KIF6: variants seen among roughly 807,000 people sequenced by gnomAD.
KIF6 encodes the protein kinesin-like protein KIF6.
KIF6 carries 106 observed loss-of-function variants against 112.7 expected under a neutral mutation model. That is an observed-to-expected ratio of 0.94 (90% CI 0.80 to 1.11). The LOEUF is 1.11. Ranked by LOEUF, KIF6 falls within the 50% of genes least tolerant of loss-of-function variation. The probability of loss-of-function intolerance (pLI) is 0.00; values close to 1 mark genes in which losing one functional copy is unlikely to be tolerated. For synonymous variants in KIF6, 339 were observed against 339.9 expected, an observed-to-expected ratio of 1.00 and a Z score of 0.03; for missense variants, 929 against 964.0, an observed-to-expected ratio of 0.96 and a Z score of 0.48.
intron 3 of KIF6, among the ~76,000 whole-genome samples, chr6:39,698,270 A>G (rs1788673087): frequency 6.6e-6 from 1 of 152,196 alleles, no homozygotes; most frequent in Admixed American, 6.5e-5. Flanking sequence ...TTTCAGCACA[A>G]TTTCTCTCAT....
At chr6:39,584,170 C>T (rs1418830077) in intron 9 of KIF6, among the ~76,000 whole-genome samples, 1 of 151,610 alleles carries the variant, frequency 6.6e-6, no homozygotes, top group Non-Finnish European at 1.5e-5. Context: ...ACCTATAATC[C>T]TAGCACTTTG....
At chr6:39,648,632 C>T (rs541536907) in intron 3 of KIF6, among the ~76,000 whole-genome samples, 1 of 152,238 alleles carries the variant, frequency 6.6e-6, no homozygotes, top group East Asian at 1.9e-4. Context: ...CCCAACATTC[C>T]CTAACATCTT....
chr6:39,534,065 T>A (rs1778250255), intron 13 of KIF6, among the ~76,000 whole-genome samples: 1 of 152,072 alleles, frequency 6.6e-6, no homozygotes, highest in Admixed American at 6.6e-5. Context: ...CATCTGTACA[T>A]CAGCATCATC....
intron 13 of KIF6, among the ~76,000 whole-genome samples, chr6:39,455,590 C>G (rs1002961128): frequency 1.3e-5 from 2 of 150,710 alleles, no homozygotes; most frequent in African/African-American, 4.9e-5. Context: ...GGAGGACATT[C>G]AAACCAAAGG....
intron 13 of KIF6, among the ~76,000 whole-genome samples, chr6:39,498,602 C>A (rs1441001326): frequency 6.6e-6 from 1 of 152,028 alleles, no homozygotes; most frequent in Non-Finnish European, 1.5e-5. Flanking sequence ...GTGAAAGCAG[C>A]TATAGACAAT....
chr6:39,362,090 G>T (rs1211137743), intron 17 of KIF6, among the ~76,000 whole-genome samples: 1 of 152,128 alleles, frequency 6.6e-6, no homozygotes, highest in Non-Finnish European at 1.5e-5. Context: ...CTGCGGCTGC[G>T]TGAGAGTATG....
chr6:39,343,451 G>A lies in KIF6; in HGVS notation c.2428+258C>T, dbSNP rs1444010369. 1 of 1,444,492 alleles carries A rather than the reference G, an allele frequency of 6.9e-7. No individual in the cohort carries two copies. The highest frequency in any genetic ancestry group is 2.1e-5 in the Admixed American group (1 of 48,110). The allele number at this position is 1,444,492 out of a possible 1,614,324, so 89.5% of individuals were successfully genotyped here. ...GAGCTGAAGATCTGGAAGAGACAGA[G>A]AGCAAGCTCTGCCAAGAGGGACAGG... On this transcript the variant is annotated intron_variant, in intron 22 of 22. Coordinates refer to ENST00000287152, the MANE Select transcript of KIF6 (RefSeq NM_145027.6). The surrounding 1 kb of genome is among the most constrained non-coding windows in gnomAD (Gnocchi z 4.1).
At chr6:39,721,893 C>T (rs528536121) in intron 1 of KIF6, among the ~76,000 whole-genome samples, 47 of 151,070 alleles carry the variant, frequency 3.1e-4, no homozygotes, top group African/African-American at 1.1e-3. Flanking sequence ...GTTTAAGACC[C>T]ATTTAGATGC....
chr6:39,363,351 C>G (rs923934385), intron 16 of KIF6, among the ~76,000 whole-genome samples: 1 of 152,190 alleles, frequency 6.6e-6, no homozygotes, highest in East Asian at 1.9e-4. Flanking sequence ...TAATTCACAA[C>G]CAGGGATGAG....
intron 3 of KIF6, among the ~76,000 whole-genome samples, chr6:39,670,730 T>A (rs1351132226): frequency 6.6e-6 from 1 of 152,202 alleles, no homozygotes; most frequent in Non-Finnish European, 1.5e-5. Context: ...ACTCAAAAAG[T>A]GCTCTAGGTG....
intron 3 of KIF6, among the ~76,000 whole-genome samples, chr6:39,673,958 A>T (rs1475579105): frequency 6.6e-6 from 1 of 152,204 alleles, no homozygotes; most frequent in Non-Finnish European, 1.5e-5. Context: ...AGTCAATATA[A>T]GGAACCAGGC....
intron 13 of KIF6, among the ~76,000 whole-genome samples, chr6:39,500,499 A>T (rs1581990125): frequency 6.6e-6 from 1 of 152,254 alleles, no homozygotes; most frequent in East Asian, 1.9e-4. Flanking sequence ...TAATGCGTGA[A>T]ATTGGAGGCA....
intron 6 of KIF6, among the ~76,000 whole-genome samples, chr6:39,607,733 C>T (rs1782971425): frequency 6.6e-6 from 1 of 152,124 alleles, no homozygotes; most frequent in Non-Finnish European, 1.5e-5. Context: ...GCTAAACATG[C>T]TATTCTTACT....
intron 13 of KIF6, among the ~76,000 whole-genome samples, chr6:39,510,134 C>G (rs1776685721): frequency 6.6e-6 from 1 of 150,394 alleles, no homozygotes; most frequent in South Asian, 2.1e-4. Context: ...TGCACTGTCA[C>G]CCAGGCTGGA....
rs181441323 is a variant in KIF6, at chr6:39,416,910, C to G, written c.1810+3038G>C. Among the ~76,000 whole-genome samples, 322 of 152,290 alleles carry G rather than the reference C, an allele frequency of 2.1e-3. 1 individual carries two copies. The highest frequency in any genetic ancestry group is 7.3e-3 in the African/African-American group (304 of 41,564). On this transcript the variant is annotated intron_variant, in intron 15 of 22. Coordinates refer to ENST00000287152, the MANE Select transcript of KIF6 (RefSeq NM_145027.6). ...CGTGTGTACCCCTCGGCATCTCAATCTTGCCTCAGGGTCCAGAGGCAGGAT... is the reference window on the plus strand; with the variant it reads ...CGTGTGTACCCCTCGGCATCTCAATGTTGCCTCAGGGTCCAGAGGCAGGAT...
chr6:39,709,242 G>C (rs1260553862), intron 3 of KIF6, among the ~76,000 whole-genome samples: 1 of 152,120 alleles, frequency 6.6e-6, no homozygotes, highest in Non-Finnish European at 1.5e-5. Flanking sequence ...TGCCATTTTT[G>C]GCACCAGGGA....
At chr6:39,359,736 C>T (rs1235614027) in intron 18 of KIF6, among the ~76,000 whole-genome samples, 1 of 152,120 alleles carries the variant, frequency 6.6e-6, no homozygotes, top group Non-Finnish European at 1.5e-5. Flanking sequence ...TAGGCACATA[C>T]TACCACATAA....
At chr6:39,438,909 T>G (rs1021731331) in intron 13 of KIF6, among the ~76,000 whole-genome samples, 3 of 152,244 alleles carry the variant, frequency 2.0e-5, no homozygotes, top group African/African-American at 7.2e-5. Flanking sequence ...GTACTATTTC[T>G]ATGTATAGAC....
chr6:39,669,389 T>A (rs2150827688), intron 3 of KIF6, among the ~76,000 whole-genome samples: 1 of 152,320 alleles, frequency 6.6e-6, no homozygotes, highest in African/African-American at 2.4e-5. Context: ...CACACACATA[T>A]GGATTTATCC....
Sources: allele counts gnomAD v4.1 joint callset (sites outside exome capture counted in the v4.1 genomes callset), GRCh38; gene constraint gnomAD v4.1.1; non-coding constraint Gnocchi (gnomAD v3.1); transcripts MANE v1.5; gene names NCBI Gene and HGNC (gene_info 2026-07-23, HGNC 2026-07-21).